Variants in SYT14 observed in about 807,000 individuals in gnomAD.
The protein encoded by SYT14 is synaptotagmin-14.
SYT14 carries 32 observed loss-of-function variants against 74.2 expected under a neutral mutation model. That is an observed-to-expected ratio of 0.43 (90% CI 0.33 to 0.58). SYT14 has a LOEUF of 0.58. Among genes scored for constraint, SYT14 ranks in the 20% least tolerant of loss-of-function variants. The probability of loss-of-function intolerance (pLI) is 0.05; values close to 1 mark genes in which losing one functional copy is unlikely to be tolerated. For missense variants in SYT14, 791 were observed against 981.8 expected (o/e 0.81, Z 2.60); for synonymous variants, 298 against 337.7 (o/e 0.88, Z 1.29).
At chr1:209,948,702 CAATT>C (rs1373565004) in intron 1 of SYT14, among the ~76,000 whole-genome samples, 1 of 151,742 alleles carries the variant, frequency 6.6e-6, no homozygotes, top group Non-Finnish European at 1.5e-5. Context: ...TTTTTTCTGA[CAATT>C]AACTAGTGAC....
At chr1:209,989,337 A>G (rs183633960) in intron 2 of SYT14, among the ~76,000 whole-genome samples, 1 of 152,350 alleles carries the variant, frequency 6.6e-6, no homozygotes, top group East Asian at 1.9e-4. Flanking sequence ...AGAACAAGAT[A>G]TGGTGAAATT....
intron 2 of SYT14, among the ~76,000 whole-genome samples, chr1:209,997,880 G>A (rs1198915161): frequency 6.6e-6 from 1 of 151,824 alleles, no homozygotes; most frequent in East Asian, 1.9e-4. Flanking sequence ...CAATTTTAAC[G>A]GTGATTTAAC....
At chr1:210,081,221 G>A (rs2081609703) in intron 5 of SYT14, among the ~76,000 whole-genome samples, 1 of 152,090 alleles carries the variant, frequency 6.6e-6, no homozygotes, top group Non-Finnish European at 1.5e-5. Context: ...AAAGTAATGT[G>A]TATACCTTTA....
At chr1:209,939,745 T>C (rs757346421) in intron 1 of SYT14, among the ~76,000 whole-genome samples, 3 of 152,194 alleles carry the variant, frequency 2.0e-5, no homozygotes, top group Non-Finnish European at 2.9e-5. Flanking sequence ...ACTACCACAC[T>C]ACCACACCAC....
intron 2 of SYT14, among the ~76,000 whole-genome samples, chr1:210,000,466 G>GCGCGCACACACACACACACA (rs1553264180): frequency 2.1e-5 from 3 of 143,102 alleles, no homozygotes; most frequent in African/African-American, 7.9e-5. Flanking sequence ...GTCCTCATAC[G>GCGCGCACACACACACACACA]CACACACACA....
At chr1:210,022,206 C>A (rs1236321989) in intron 5 of SYT14, among the ~76,000 whole-genome samples, 1 of 152,152 alleles carries the variant, frequency 6.6e-6, no homozygotes, top group African/African-American at 2.4e-5. Context: ...CCAGCATGTA[C>A]AGTTGTCAAA....
intron 7 of SYT14, among the ~76,000 whole-genome samples, chr1:210,142,743 G>C (rs989874815): frequency 6.6e-6 from 1 of 151,888 alleles, no homozygotes; most frequent in Non-Finnish European, 1.5e-5. Flanking sequence ...TCCTGTGCCT[G>C]CTCTCTGCAC....
chr1:210,068,363 A>G lies in SYT14; in HGVS notation c.1313-25959A>G, dbSNP rs191153841. 9.9e-5 allele frequency among the ~76,000 whole-genome samples: 15 copies of G among 151,618 alleles called. No homozygotes were observed. The East Asian group carries it at 2.7e-3, about 27-fold the overall frequency. On this transcript the variant is annotated intron_variant, in intron 5 of 9. Transcript: ENST00000637265. ...TTCCCAGAGAAGCTTACTATACACT[A>G]TTTCTTCTCTTGCTATCTTTGTTTG...
chr1:209,945,754 G>A (rs567208715), intron 1 of SYT14, among the ~76,000 whole-genome samples: 1 of 152,224 alleles, frequency 6.6e-6, no homozygotes, highest in East Asian at 1.9e-4. Context: ...ATTTTGAAAA[G>A]GACTCTTAGA....
chr1:210,069,359 G>A (rs2081353108), intron 5 of SYT14, among the ~76,000 whole-genome samples: 1 of 151,914 alleles, frequency 6.6e-6, no homozygotes, highest in Non-Finnish European at 1.5e-5. Flanking sequence ...CTTTTAATCA[G>A]TAGGAGAGAT....
At chr1:209,987,290 T>A (rs1473858554) in intron 2 of SYT14, among the ~76,000 whole-genome samples, 3 of 152,228 alleles carry the variant, frequency 2.0e-5, no homozygotes, top group Non-Finnish European at 4.4e-5. Flanking sequence ...ATTCTTGTGT[T>A]GCTATAAAGA....
At chr1:209,998,689 T>C (rs2079841152) in intron 2 of SYT14, among the ~76,000 whole-genome samples, 1 of 151,942 alleles carries the variant, frequency 6.6e-6, no homozygotes, top group Non-Finnish European at 1.5e-5. Flanking sequence ...AGAACATATT[T>C]TGTGGAAAGA....
intron 7 of SYT14, among the ~76,000 whole-genome samples, chr1:210,140,344 A>G (rs1397761000): frequency 6.6e-6 from 1 of 152,248 alleles, no homozygotes; most frequent in Non-Finnish European, 1.5e-5. Flanking sequence ...ATAAATTTCT[A>G]TTAAAATCCT....
chr1:210,016,100 G>C (rs2080177266), exon 4 of SYT14: 18 of 1,231,974 alleles, frequency 1.5e-5, no homozygotes, highest in Non-Finnish European at 1.8e-5. Flanking sequence ...CACTGCTGTT[G>C]GGGAGGTCAG....
chr1:210,127,530 C>T (rs2082591448), intron 7 of SYT14, among the ~76,000 whole-genome samples: 1 of 152,120 alleles, frequency 6.6e-6, no homozygotes. Flanking sequence ...GCCCTTCCAA[C>T]AAGAAATGAA....
At chr1:210,129,848 A>G (rs766095554) in intron 7 of SYT14, among the ~76,000 whole-genome samples, 3 of 152,220 alleles carry the variant, frequency 2.0e-5, no homozygotes, top group Non-Finnish European at 2.9e-5. Flanking sequence ...TCTTCAAAGT[A>G]AAGATGCTCA....
chr1:210,112,045 G>A (rs556203915), intron 7 of SYT14, among the ~76,000 whole-genome samples: 12 of 151,324 alleles, frequency 7.9e-5, no homozygotes, highest in Admixed American at 4.6e-4. Flanking sequence ...AGGCCGGTCC[G>A]TTATCAGACT....
chr1:210,147,099 G>A (rs2083056113), intron 7 of SYT14, among the ~76,000 whole-genome samples: 2 of 151,764 alleles, frequency 1.3e-5, no homozygotes, highest in Admixed American at 6.6e-5. Flanking sequence ...AACTAATAGG[G>A]CTCTGTGAAA....
At chr1:209,970,039 T>C (rs537188429) in intron 2 of SYT14, among the ~76,000 whole-genome samples, 1 of 152,212 alleles carries the variant, frequency 6.6e-6, no homozygotes, top group South Asian at 2.1e-4. Flanking sequence ...GTTGATTACT[T>C]CTTTTACTGT....
Sources: allele counts gnomAD v4.1 joint callset (sites outside exome capture counted in the v4.1 genomes callset), GRCh38; gene constraint gnomAD v4.1.1; transcripts MANE v1.5; gene names NCBI Gene and HGNC (gene_info 2026-07-23, HGNC 2026-07-21).